The following FHIT variants were observed in gnomAD, a reference collection of about 807,000 sequenced individuals.
FHIT encodes bis(5'-adenosyl)-triphosphatase.
FHIT carries 19 observed loss-of-function variants against 17.9 expected under a neutral mutation model. That is an observed-to-expected ratio of 1.06 (90% CI 0.74 to 1.56). The LOEUF is 1.56. Ranked by LOEUF, FHIT falls within the 40% of genes most tolerant of loss-of-function variation. The pLI is 0.00. For missense variants in FHIT, 248 were observed against 189.2 expected, an observed-to-expected ratio of 1.31 and a Z score of -1.82; for synonymous variants, 81 against 69.7, an observed-to-expected ratio of 1.16 and a Z score of -0.81.
intron 5 of FHIT, among the ~76,000 whole-genome samples, chr3:60,524,621 C>G (rs1277875669): frequency 6.6e-6 from 1 of 152,094 alleles, no homozygotes; most frequent in Admixed American, 6.5e-5. Flanking sequence ...GTTTTGGAGG[C>G]CAGCGTGGCA....
intron 5 of FHIT, among the ~76,000 whole-genome samples, chr3:60,231,545 T>C (rs1238418340): frequency 1.3e-5 from 2 of 152,164 alleles, no homozygotes; most frequent in Non-Finnish European, 2.9e-5. Context: ...GTGTCTAGCT[T>C]TTATCACTGA....
In FHIT at chr3:60,967,175, G is replaced by A. The variant is rs984328831; in HGVS notation, c.-111+74872C>T. 5.9e-5 allele frequency among the ~76,000 whole-genome samples: 9 copies of A among 152,242 alleles called. No homozygotes were observed. In the East Asian group the frequency reaches 9.6e-4, roughly 16 times the overall value. ...CCTCAGCCATTTTTCATCAGCAGTA[G>A]TATATGTGCTCCCTGTTCCTGGCAG... is the stretch of plus-strand genomic sequence containing the variant. On this transcript the variant is annotated intron_variant, in intron 3 of 9. Transcript: ENST00000492590.
chr3:60,037,840 A>C (rs2106817661), intron 5 of FHIT, among the ~76,000 whole-genome samples: 1 of 151,948 alleles, frequency 6.6e-6, no homozygotes, highest in African/African-American at 2.4e-5. Flanking sequence ...CAGCCTCCCA[A>C]GTAGCTGGGA....
intron 3 of FHIT, among the ~76,000 whole-genome samples, chr3:60,869,721 C>A (rs1327784306): frequency 6.6e-6 from 1 of 152,130 alleles, no homozygotes; most frequent in Non-Finnish European, 1.5e-5. Flanking sequence ...GACATGCTTT[C>A]TAGACTCCAC....
chr3:61,058,127 C>A (rs1044185676), intron 2 of FHIT, among the ~76,000 whole-genome samples: 1 of 151,998 alleles, frequency 6.6e-6, no homozygotes, highest in African/African-American at 2.4e-5. Flanking sequence ...CCTCATAGAC[C>A]ACTTAGAACA....
chr3:61,144,858 T>C (rs2037182991), intron 2 of FHIT, among the ~76,000 whole-genome samples: 1 of 152,186 alleles, frequency 6.6e-6, no homozygotes, highest in South Asian at 2.1e-4. Flanking sequence ...TTTGGGAAAA[T>C]GCCTATTCAG....
intron 4 of FHIT, among the ~76,000 whole-genome samples, chr3:60,739,578 C>T (rs1716740): frequency 0.91 from 138,017 of 152,254 alleles, 62,668 homozygotes; most frequent in East Asian, 1. Context: ...TGATTCTTTA[C>T]TGGGGAGGCT....
At chr3:60,138,111 C>T (rs1576182620) in intron 5 of FHIT, among the ~76,000 whole-genome samples, 1 of 152,194 alleles carries the variant, frequency 6.6e-6, no homozygotes, top group East Asian at 1.9e-4. Context: ...AATCGAAGAT[C>T]GTCCACTGTA....
chr3:60,754,003 G>C (rs1343288750), intron 4 of FHIT, among the ~76,000 whole-genome samples: 1 of 152,062 alleles, frequency 6.6e-6, no homozygotes, highest in Non-Finnish European at 1.5e-5. Context: ...AAAAGGAAAA[G>C]GTCAGGATCA....
intron 5 of FHIT, among the ~76,000 whole-genome samples, chr3:60,331,205 G>C (rs908553782): frequency 6.6e-6 from 1 of 152,108 alleles, no homozygotes; most frequent in African/African-American, 2.4e-5. Flanking sequence ...CATTCTGCCT[G>C]GAATGCCTTT....
chr3:60,231,382 C>A (rs1046572156), intron 5 of FHIT, among the ~76,000 whole-genome samples: 1 of 152,076 alleles, frequency 6.6e-6, no homozygotes, highest in African/African-American at 2.4e-5. Context: ...TTCATGTAAC[C>A]AACGCCCAGA....
At chr3:60,350,389 T>G (rs148727170) in intron 5 of FHIT, among the ~76,000 whole-genome samples, 1 of 152,168 alleles carries the variant, frequency 6.6e-6, no homozygotes, top group Non-Finnish European at 1.5e-5. Flanking sequence ...TGTAGAAGGG[T>G]AGAGCTCCAA....
chr3:60,027,148 C>CACACACACACAA (rs1553654525), intron 5 of FHIT, among the ~76,000 whole-genome samples: 1 of 125,748 alleles, frequency 8.0e-6, no homozygotes, highest in African/African-American at 2.7e-5. Context: ...CACACACACA[C>CACACACACACAA]AAAATTAGTA....
chr3:60,965,694 T>C (rs567005617), intron 3 of FHIT, among the ~76,000 whole-genome samples: 46 of 152,356 alleles, frequency 3.0e-4, no homozygotes, highest in Admixed American at 1.6e-3. Context: ...TGGAGTTTGC[T>C]GGAGGTCCAC....
chr3:61,112,159 G>A lies in FHIT; in HGVS notation c.-163-70060C>T, dbSNP rs1576035324. 2.6e-5 allele frequency among the ~76,000 whole-genome samples: 4 copies of A among 152,266 alleles called. No homozygotes were observed. The South Asian group carries it at 8.3e-4, about 32-fold the overall frequency. On this transcript the variant is annotated intron_variant, in intron 2 of 9. Coordinates refer to ENST00000492590, the MANE Select transcript of FHIT (RefSeq NM_002012.4). ...GCCCTTAAGCAGTATATATTATGCA[G>A]TACATTCATGTAAGCTTATCACTGA...
intron 5 of FHIT, among the ~76,000 whole-genome samples, chr3:60,518,254 G>T (rs2035232093): frequency 6.6e-6 from 1 of 152,168 alleles, no homozygotes; most frequent in African/African-American, 2.4e-5. Context: ...GTGACAGGTA[G>T]AGGGTTAATT....
chr3:60,357,271 A>C (rs2106974705), intron 5 of FHIT, among the ~76,000 whole-genome samples: 1 of 152,172 alleles, frequency 6.6e-6, no homozygotes, highest in East Asian at 1.9e-4. Context: ...GCAGTGGCAT[A>C]ATCTTGGCTC....
intron 3 of FHIT, among the ~76,000 whole-genome samples, chr3:60,954,585 T>C (rs1709031583): frequency 6.6e-6 from 1 of 152,316 alleles, no homozygotes; most frequent in East Asian, 1.9e-4. Flanking sequence ...AAATATGCTG[T>C]ACAGAAGGCA....
At chr3:60,406,511 G>T (rs910719279) in intron 5 of FHIT, among the ~76,000 whole-genome samples, 3 of 152,172 alleles carry the variant, frequency 2.0e-5, no homozygotes, top group Admixed American at 1.3e-4. Context: ...GCACTTCAGA[G>T]AAATCAATTT....
Sources: allele counts gnomAD v4.1 joint callset (sites outside exome capture counted in the v4.1 genomes callset), GRCh38; gene constraint gnomAD v4.1.1; transcripts MANE v1.5; gene names NCBI Gene and HGNC (gene_info 2026-07-23, HGNC 2026-07-21).